The following DNAH11 variants were observed in gnomAD, a reference collection of about 807,000 sequenced individuals.
The protein encoded by DNAH11 is dynein axonemal heavy chain 11, also known as axonemal beta dynein heavy chain 11.
In DNAH11, 442 loss-of-function variants were observed where a neutral mutation model predicts 526.0. The observed-to-expected ratio is 0.84, with a 90% confidence interval of 0.78 to 0.91. The LOEUF is 0.91. Ranked by LOEUF, DNAH11 falls within the 40% of genes least tolerant of loss-of-function variation. The probability of loss-of-function intolerance (pLI) is 0.00; values close to 1 mark genes in which losing one functional copy is unlikely to be tolerated. For synonymous variants in DNAH11, 2,461 were observed against 1,935.9 expected (o/e 1.27, Z -7.12); for missense variants, 6,989 against 5,448.7 (o/e 1.28, Z -8.90).
intron 55 of DNAH11, among the ~76,000 whole-genome samples, chr7:21,766,921 A>C (rs4722055): frequency 0.6 from 90,841 of 151,972 alleles, 28,969 homozygotes; most frequent in African/African-American, 0.82. Context: ...GGATATTCAT[A>C]TACCTCCCCT....
intron 21 of DNAH11, 44 bp from the exon 22 acceptor site, chr7:21,616,165 T>C (rs756965290): frequency 6.8e-7 from 1 of 1,481,194 alleles, no homozygotes; most frequent in South Asian, 1.2e-5. Context: ...AGACTTGCTT[T>C]CACCAAATGT....
chr7:21,897,008 A>G (rs1001935602), intron 79 of DNAH11, among the ~76,000 whole-genome samples: 3 of 152,160 alleles, frequency 2.0e-5, no homozygotes, highest in African/African-American at 7.2e-5. Flanking sequence ...CCAAGAGGTC[A>G]AGGGTGCAAT....
At chr7:21,693,297 C>T (rs967760572) in intron 35 of DNAH11, among the ~76,000 whole-genome samples, 3 of 152,152 alleles carry the variant, frequency 2.0e-5, no homozygotes, top group African/African-American at 4.8e-5. Context: ...AACAGTCCTT[C>T]GGTGTTGCAT....
chr7:21,894,190 C>G (rs1341629943), intron 77 of DNAH11, among the ~76,000 whole-genome samples: 1 of 152,062 alleles, frequency 6.6e-6, no homozygotes, highest in Admixed American at 6.5e-5. Context: ...TGCCCAGCCC[C>G]TGGTTTGTGT....
rs1368117466 is a variant in DNAH11, at chr7:21,818,225, A to G, written c.10577A>G (p.Asn3526Ser). 6.2e-7 allele frequency: 1 copy of G among 1,610,784 alleles called. No homozygotes were observed. The highest frequency in any genetic ancestry group is 8.5e-7 in the Non-Finnish European group (1 of 1,178,732). Reference protein sequence around the residue: ...VTHLGQKGFLNAIETALAFGD... With the variant: ...VTHLGQKGFLSAIETALAFGD... The stretch of plus-strand genomic sequence containing the variant: ...TCCCACTGAATTTTAAGGTTTTTGA[A>G]TGCCATTGAAACTGCTTTGGCCTTT... The change falls in exon 65 of 82, where the codon AAT becomes AGT. Residue 3526 changes from asparagine (N) to serine (S), a missense_variant. Transcript: ENST00000409508.
chr7:21,588,317 G>A (rs72655991), intron 10 of DNAH11, 116 bp downstream of exon 10: 2 of 1,391,768 alleles, frequency 1.4e-6, no homozygotes, highest in Non-Finnish European at 1.9e-6. Context: ...ACATTTTTGT[G>A]CTTTTATTTA....
At chr7:21,630,255 A>G (rs891685438) in intron 25 of DNAH11, among the ~76,000 whole-genome samples, 1 of 151,670 alleles carries the variant, frequency 6.6e-6, no homozygotes, top group Non-Finnish European at 1.5e-5. Flanking sequence ...CAATTTGTAT[A>G]TTTTTATATT....
chr7:21,564,705 C>A (rs551989257), intron 6 of DNAH11, among the ~76,000 whole-genome samples: 3 of 152,250 alleles, frequency 2.0e-5, no homozygotes, highest in African/African-American at 4.8e-5. Flanking sequence ...TTCTTTGTAG[C>A]CTTCCCTTCG....
At chr7:21,585,541 G>T (rs957799558) in intron 9 of DNAH11, among the ~76,000 whole-genome samples, 19 of 152,166 alleles carry the variant, frequency 1.2e-4, no homozygotes, top group African/African-American at 4.1e-4. Flanking sequence ...TAATATAAAA[G>T]TATAGTACTT....
chr7:21,710,414 G>A (rs1421459950), intron 40 of DNAH11, 139 bp from the exon 41 acceptor site: 11 of 628,606 alleles, frequency 1.7e-5, no homozygotes, highest in Non-Finnish European at 2.6e-5. Context: ...GAACCCATGT[G>A]TGGCTGAAAA....
At chr7:21,665,756 A>T (rs976322031) in intron 30 of DNAH11, among the ~76,000 whole-genome samples, 6 of 152,126 alleles carry the variant, frequency 3.9e-5, no homozygotes, top group African/African-American at 1.4e-4. Flanking sequence ...ATTATAAAAC[A>T]CTTCTAGCAT....
At chr7:21,706,203 T>C (rs1472257363) in intron 39 of DNAH11, among the ~76,000 whole-genome samples, 1 of 152,174 alleles carries the variant, frequency 6.6e-6, no homozygotes, top group Non-Finnish European at 1.5e-5. Flanking sequence ...CTATGGGTAT[T>C]ATTATCCCCA....
chr7:21,590,412 A>C (rs1199464632), intron 12 of DNAH11, among the ~76,000 whole-genome samples: 1 of 152,194 alleles, frequency 6.6e-6, no homozygotes, highest in Non-Finnish European at 1.5e-5. Flanking sequence ...AATGCCTTAA[A>C]CATCTAGCTG....
chr7:21,641,114 C>T (rs1787108691), intron 28 of DNAH11, among the ~76,000 whole-genome samples: 2 of 152,184 alleles, frequency 1.3e-5, no homozygotes, highest in Non-Finnish European at 2.9e-5. Context: ...TGTAACCAGC[C>T]ACCTGGTTCC....
At chr7:21,553,618 A>G (rs1210791659) in intron 2 of DNAH11, among the ~76,000 whole-genome samples, 4 of 152,044 alleles carry the variant, frequency 2.6e-5, no homozygotes, top group Admixed American at 6.5e-5. Flanking sequence ...TCTTTTTTCC[A>G]TTTAGGGCAT....
At chr7:21,868,389 G>A (rs945338948) in intron 72 of DNAH11, among the ~76,000 whole-genome samples, 3 of 151,944 alleles carry the variant, frequency 2.0e-5, no homozygotes, top group African/African-American at 7.3e-5. Flanking sequence ...CATTCCCCAC[G>A]GCCTGCACCA....
chr7:21,626,819 C>T (rs867919096), intron 25 of DNAH11, among the ~76,000 whole-genome samples: 3 of 138,348 alleles, frequency 2.2e-5, no homozygotes, highest in Admixed American at 8.2e-5. Flanking sequence ...GGCGTGATCT[C>T]GGCTCACTGC....
chr7:21,834,344 A>C (rs953726890), intron 65 of DNAH11, among the ~76,000 whole-genome samples: 5 of 152,224 alleles, frequency 3.3e-5, no homozygotes, highest in African/African-American at 9.6e-5. Flanking sequence ...GGAACACAGC[A>C]AAAGCAGTTC....
At chr7:21,785,573 T>C (rs1344940666) in intron 58 of DNAH11, among the ~76,000 whole-genome samples, 1 of 152,196 alleles carries the variant, frequency 6.6e-6, no homozygotes, top group African/African-American at 2.4e-5. Flanking sequence ...TAAGAGTAAT[T>C]GGTCGTCTCT....
Sources: allele counts gnomAD v4.1 joint callset (sites outside exome capture counted in the v4.1 genomes callset), GRCh38; gene constraint gnomAD v4.1.1; transcripts MANE v1.5; gene names NCBI Gene and HGNC (gene_info 2026-07-23, HGNC 2026-07-21).